The following IFT140 variants were observed in gnomAD, a reference collection of about 807,000 sequenced individuals.
The protein encoded by IFT140 is intraflagellar transport 140.
A neutral mutation model predicts 164.6 loss-of-function variants in IFT140; 133 were observed. The ratio of observed to expected loss-of-function variants is 0.81; its 90% CI spans 0.70 to 0.93. IFT140 has a LOEUF of 0.93. Among genes scored for constraint, IFT140 ranks in the 40% least tolerant of loss-of-function variants. The pLI is 0.00. For synonymous variants in IFT140, 860 were observed against 817.3 expected, an observed-to-expected ratio of 1.05 and a Z score of -0.89; for missense variants, 2,045 against 1,972.3, an observed-to-expected ratio of 1.04 and a Z score of -0.70.
At chr16:1,598,509 T>C (rs990921860) in intron 4 of IFT140, among the ~76,000 whole-genome samples, 3 of 152,158 alleles carry the variant, frequency 2.0e-5, no homozygotes, top group Admixed American at 6.5e-5. Flanking sequence ...TCATCCTTGA[T>C]AGCAAGAGAA....
At position 1,553,682 on chromosome 16, in the gene IFT140, G is replaced by A. The variant is rs562901613; in HGVS notation, c.2399+4253C>T. 4.6e-6 allele frequency: 5 copies of A among 1,076,614 alleles called. No homozygotes were observed. Among genetic ancestry groups the A allele is most frequent in the East Asian group, 1.4e-4 (2 of 14,176 alleles). The allele number at this position is 1,076,614 out of a possible 1,614,324, so 66.7% of individuals were successfully genotyped here. On this transcript the variant is annotated intron_variant, in intron 19 of 30. Transcript: ENST00000426508. The surrounding 1 kb of genome is among the most constrained non-coding windows in gnomAD (Gnocchi z 4.4). Reference sequence around the variant, plus strand: ...GGTGGGCAGAAGCGGGGCTGGGGCTGAAGGCTGGCTGGAGGCCCCATGGCC... The same window carrying A: ...GGTGGGCAGAAGCGGGGCTGGGGCTAAAGGCTGGCTGGAGGCCCCATGGCC...
rs753608225 is a variant in IFT140, at chr16:1,580,815, G to A, written c.1468C>T (p.His490Tyr). The A allele has an allele frequency of 1.2e-6, 2 of 1,613,856 alleles. No homozygotes were observed. Among genetic ancestry groups the A allele is most frequent in the South Asian group, 2.2e-5 (2 of 91,086 alleles). The change falls in exon 13 of 31, where the codon CAT becomes TAT. Residue 490 changes from histidine to tyrosine, a missense_variant. By Grantham distance (83) the His-to-Tyr change is moderately conservative. Coordinates refer to ENST00000426508, the MANE Select transcript of IFT140 (RefSeq NM_014714.4). Reference protein sequence around the residue: ...FLCETPVLAMHEENVYTVESN... With the variant: ...FLCETPVLAMYEENVYTVESN... Reference sequence around the variant, plus strand: ...TCCACCGTGTAAACGTTTTCTTCATGCATTGCTAACACAGGCGTCTCACAC... The same window carrying A: ...TCCACCGTGTAAACGTTTTCTTCATACATTGCTAACACAGGCGTCTCACAC...
Position 1,541,301 on chromosome 16 carries a change from C to G in IFT140, c.2400-14505G>C, listed in dbSNP as rs1179140545. 3 of 985,244 alleles carry G rather than the reference C, an allele frequency of 3.0e-6. No homozygotes were observed. The African/African-American group carries it at 5.2e-5, about 17-fold the overall frequency. The allele number at this position is 985,244 out of a possible 1,614,324, so 61.0% of individuals were successfully genotyped here. On this transcript the variant is annotated intron_variant, in intron 19 of 30. Transcript: ENST00000426508. ...AGGTGAGGGGGGCAGGTGGGGGGCA[C>G]TGGTTCAGACCCATGTCTGACCCCT... is the stretch of plus-strand genomic sequence containing the variant.
intron 19 of IFT140, among the ~76,000 whole-genome samples, chr16:1,539,982 C>T (rs929045000): frequency 9.2e-5 from 14 of 152,186 alleles, no homozygotes; most frequent in African/African-American, 2.4e-4. Context: ...AGCCTGGCAT[C>T]CAGGAAGGAG....
intron 19 of IFT140, among the ~76,000 whole-genome samples, chr16:1,556,626 G>A (rs185503251): frequency 3.3e-5 from 5 of 152,298 alleles, no homozygotes; most frequent in South Asian, 4.1e-4. Flanking sequence ...AAGCATTTAC[G>A]GACTGACTGT....
chr16:1,589,861 C>A, intron 6 of IFT140, 81 bp from the exon 7 acceptor site: 1 of 1,283,858 alleles, frequency 7.8e-7, no homozygotes, highest in Non-Finnish European at 1.1e-6. Context: ...CCATTTCTAT[C>A]AACTTAAGGA....
chr16:1,610,877 C>T (rs971656516), intron 1 of IFT140, 24 bp from the exon 2 acceptor site: 5 of 152,936 alleles, frequency 3.3e-5, no homozygotes, highest in Middle Eastern at 2.6e-3. Flanking sequence ...GCGGGACGAG[C>T]TTTTTCTAGG....
chr16:1,545,054 C>A (rs2032050207), intron 19 of IFT140, among the ~76,000 whole-genome samples: 1 of 152,226 alleles, frequency 6.6e-6, no homozygotes. Context: ...CCTGCAAAAT[C>A]TTATTTCAGG....
chr16:1,550,714 T>G (rs756461244), intron 19 of IFT140, among the ~76,000 whole-genome samples: 1 of 152,220 alleles, frequency 6.6e-6, no homozygotes, highest in Non-Finnish European at 1.5e-5. Flanking sequence ...GAGCCTTCCC[T>G]GCAAGCTTGA....
At chr16:1,539,515 C>T (rs185496087) in intron 19 of IFT140, among the ~76,000 whole-genome samples, 44 of 152,394 alleles carry the variant, frequency 2.9e-4, no homozygotes, top group African/African-American at 1.1e-3. Context: ...TGCTGCCAGG[C>T]TTTCCCGCTG....
At chr16:1,560,409 T>C (rs1292081963) in intron 18 of IFT140, among the ~76,000 whole-genome samples, 2 of 152,240 alleles carry the variant, frequency 1.3e-5, no homozygotes, top group Non-Finnish European at 2.9e-5. Flanking sequence ...AATTCATCAC[T>C]GCACACAAGG....
rs143677813 is a variant in IFT140 at position 1,569,354 on chromosome 16, T to C, written c.1653-1020A>G. Among the ~76,000 whole-genome samples, 361 of 152,220 alleles carry C rather than the reference T, an allele frequency of 2.4e-3. 1 individual carries two copies. Among genetic ancestry groups the C allele is most frequent in the African/African-American group, 8.1e-3 (338 of 41,550 alleles). ...CACCTGTCTCTTCTCCTCTATTTATTGACTTACTCATATCATTCGGACTCA... is the reference window on the plus strand; with the variant it reads ...CACCTGTCTCTTCTCCTCTATTTATCGACTTACTCATATCATTCGGACTCA... On this transcript the variant is annotated intron_variant, in intron 14 of 30. Transcript: ENST00000426508.
intron 2 of IFT140, among the ~76,000 whole-genome samples, chr16:1,608,903 C>T (rs141018281): frequency 2.6e-5 from 4 of 152,178 alleles, no homozygotes; most frequent in Admixed American, 2.6e-4. Flanking sequence ...TGCCTGTAAT[C>T]CCAGCACTTT....
intron 13 of IFT140, among the ~76,000 whole-genome samples, chr16:1,575,565 A>C (rs1331589606): frequency 6.6e-6 from 1 of 152,114 alleles, no homozygotes; most frequent in Non-Finnish European, 1.5e-5. Context: ...AATAAAATAA[A>C]ATAAAAAATT....
At chr16:1,544,052 C>CT (rs1173041573) in intron 19 of IFT140, among the ~76,000 whole-genome samples, 1 of 149,194 alleles carries the variant, frequency 6.7e-6, no homozygotes, top group Non-Finnish European at 1.5e-5. Context: ...GAGTCTTGCT[C>CT]TGTCACCCAT....
intron 16 of IFT140, among the ~76,000 whole-genome samples, chr16:1,565,943 C>T (rs1011542051): frequency 2.0e-5 from 3 of 152,176 alleles, no homozygotes; most frequent in Non-Finnish European, 4.4e-5. Flanking sequence ...TTCCAGTTTC[C>T]ACTCAGCTAA....
Position 1,524,772 on chromosome 16 carries a change from C to A in IFT140, c.2997+12G>T, listed in dbSNP as rs200390733. On this transcript the variant is annotated intron_variant, in intron 23 of 30. Coordinates refer to ENST00000426508, the MANE Select transcript of IFT140 (RefSeq NM_014714.4). ...CGTGTCCGCCTGGCCGGCTCCCCTG[C>A]GGGGACCTTACCTTCTGGACATTGC... is the stretch of plus-strand genomic sequence containing the variant. 4 of 1,600,352 alleles carry A rather than the reference C, an allele frequency of 2.5e-6. No homozygotes were observed. In the African/African-American group the frequency reaches 4.0e-5, roughly 16 times the overall value.
At chr16:1,543,151 C>A (rs113697158) in intron 19 of IFT140, among the ~76,000 whole-genome samples, 1 of 152,234 alleles carries the variant, frequency 6.6e-6, no homozygotes, top group Non-Finnish European at 1.5e-5. Context: ...GCGAGCATGT[C>A]GGCCCATGGC....
rs768624393 is a variant in IFT140, at chr16:1,524,666, G to A, written c.3027C>T (p.Asn1009=). ...GGGCGAGGTGGTAGGAGGCCGCCAGGTTTCCTGTCTCGTTGGCTATTTGCG... is the reference window on the plus strand; with the variant it reads ...GGGCGAGGTGGTAGGAGGCCGCCAGATTTCCTGTCTCGTTGGCTATTTGCG... ...KAAQIANETG[N]LAASYHLARQ... The change falls in exon 24 of 31, where the codon AAC becomes AAT. Residue 1009 remains asparagine (N), a synonymous_variant. Coordinates refer to ENST00000426508, the MANE Select transcript of IFT140 (RefSeq NM_014714.4). 18 of 1,578,082 alleles carry A rather than the reference G, an allele frequency of 1.1e-5. No individual in the cohort carries two copies. In the South Asian group the frequency reaches 1.6e-4, roughly 14 times the overall value.
Sources: gnomAD v4.1 joint callset for allele counts (sites outside exome capture counted in the v4.1 genomes callset) on GRCh38, gnomAD v4.1.1 for gene constraint, Gnocchi (gnomAD v3.1) non-coding constraint, MANE v1.5 for transcripts, NCBI Gene and HGNC (gene_info 2026-07-23, HGNC 2026-07-21) for gene names.